The following SRGAP1 variants were observed in gnomAD, a reference collection of about 807,000 sequenced individuals.
SRGAP1 encodes SLIT-ROBO Rho GTPase activating protein 1, also known as SLIT-ROBO Rho GTPase-activating protein 1.
Under a neutral mutation model 121.9 loss-of-function variants are expected in SRGAP1, and 43 were observed. The observed-to-expected ratio is 0.35, with a 90% confidence interval of 0.28 to 0.46. The LOEUF (loss-of-function observed/expected upper bound fraction) is 0.46, where lower values mean the gene tolerates loss of function less well. Among genes scored for constraint, SRGAP1 ranks in the 20% least tolerant of loss-of-function variants. The pLI is 1.00. For missense variants in SRGAP1, 1,102 were observed against 1,350.9 expected (o/e 0.82, Z 2.89); for synonymous variants, 447 against 485.4 (o/e 0.92, Z 1.04).
intron 3 of SRGAP1, 52 bp from the exon 4 acceptor site, chr12:64,016,897 CT>C (rs1213126647): frequency 2.3e-5 from 23 of 1,017,878 alleles, no homozygotes; most frequent in Non-Finnish European, 3.2e-5. Flanking sequence ...AGTTAGTGGA[CT>C]TTTTAAGATG....
chr12:63,949,498 G>A (rs949527805), intron 1 of SRGAP1, among the ~76,000 whole-genome samples: 23 of 150,414 alleles, frequency 1.5e-4, no homozygotes, highest in African/African-American at 5.4e-4. Context: ...CGTGATGTTG[G>A]CTCACTGCAA....
At chr12:63,974,798 G>A (rs528351299) in intron 1 of SRGAP1, among the ~76,000 whole-genome samples, 2 of 152,236 alleles carry the variant, frequency 1.3e-5, no homozygotes, top group South Asian at 4.2e-4. Context: ...ATTTGGTTCA[G>A]CCACCCTAAA....
chr12:63,860,870 G>T (rs1350131960), intron 1 of SRGAP1, among the ~76,000 whole-genome samples: 1 of 150,150 alleles, frequency 6.7e-6, no homozygotes, highest in Non-Finnish European at 1.5e-5. Flanking sequence ...TTGTTGCCCA[G>T]ACTGGAGTGC....
intron 1 of SRGAP1, among the ~76,000 whole-genome samples, chr12:63,954,688 A>AAAAAAAAAAAAAAAAAAAAAAG (rs57230527): frequency 7.1e-4 from 93 of 130,166 alleles, no homozygotes; most frequent in Non-Finnish European, 9.7e-4. Context: ...AAAAAAAAAA[A>AAAAAAAAAAAAAAAAAAAAAAG]AAAAGAAAAG....
chr12:63,857,149 G>A (rs1326486551), intron 1 of SRGAP1, among the ~76,000 whole-genome samples: 2 of 150,716 alleles, frequency 1.3e-5, no homozygotes, highest in East Asian at 1.9e-4. Flanking sequence ...GCGTGATCTC[G>A]GCCCACTGCA....
intron 6 of SRGAP1, 53 bp from the exon 7 acceptor site, chr12:64,062,864 C>G (rs906042343): frequency 4.8e-5 from 70 of 1,443,866 alleles, no homozygotes; most frequent in Non-Finnish European, 6.2e-5. Context: ...ACATTTTTGT[C>G]TTTGATCAAT....
intron 1 of SRGAP1, among the ~76,000 whole-genome samples, chr12:63,973,689 C>T (rs2033019557): frequency 6.6e-6 from 1 of 152,114 alleles, no homozygotes; most frequent in Admixed American, 6.5e-5. Flanking sequence ...TTGAAAAAGG[C>T]TCAATTTGCA....
In SRGAP1 at chr12:63,867,993, A is replaced by G. The variant is rs1480601139; in HGVS notation, c.67+23110A>G. On this transcript the variant is annotated intron_variant, in intron 1 of 21. Transcript: ENST00000355086. ...GAGACATTTTGTTACAATTTCTTAC[A>G]TCATCATTAAGAGAATCTCAAGGGC... Among the ~76,000 whole-genome samples the G allele has an allele frequency of 5.0e-5, 7 of 140,782 alleles. No homozygotes were observed. The East Asian group carries it at 1.2e-3, about 25-fold the overall frequency. The allele number at this position is 140,782 out of a possible 152,430, so 92.4% of individuals were successfully genotyped here.
At chr12:63,933,444 G>A (rs1379534951) in intron 1 of SRGAP1, among the ~76,000 whole-genome samples, 1 of 152,008 alleles carries the variant, frequency 6.6e-6, no homozygotes, top group African/African-American at 2.4e-5. Context: ...AGTAAATTGT[G>A]GGCATGGGGA....
At chr12:64,069,146 A>T (rs1036609614) in intron 8 of SRGAP1, among the ~76,000 whole-genome samples, 1 of 152,124 alleles carries the variant, frequency 6.6e-6, no homozygotes, top group East Asian at 1.9e-4. Context: ...CTTCCCTTAG[A>T]CACAGAATGT....
At chr12:64,009,533 A>G (rs1220858713) in intron 3 of SRGAP1, among the ~76,000 whole-genome samples, 1 of 152,138 alleles carries the variant, frequency 6.6e-6, no homozygotes, top group African/African-American at 2.4e-5. Flanking sequence ...GCACCTTTCA[A>G]ATTGTCTGCT....
At chr12:64,052,139 A>T (rs1476968078) in intron 6 of SRGAP1, among the ~76,000 whole-genome samples, 1 of 152,234 alleles carries the variant, frequency 6.6e-6, no homozygotes, top group African/African-American at 2.4e-5. Flanking sequence ...TGAATGTAGT[A>T]TACCAAACAA....
At chr12:63,972,119 C>G (rs772403517) in intron 1 of SRGAP1, among the ~76,000 whole-genome samples, 1 of 152,090 alleles carries the variant, frequency 6.6e-6, no homozygotes, top group Admixed American at 6.6e-5. Flanking sequence ...TTTGGGAGGC[C>G]GAGGTGGGAG....
chr12:64,120,640 C>T (rs2036592217), intron 18 of SRGAP1, among the ~76,000 whole-genome samples: 1 of 151,980 alleles, frequency 6.6e-6, no homozygotes, highest in Non-Finnish European at 1.5e-5. Flanking sequence ...GTGAAGTTCA[C>T]TCTGAAACTG....
chr12:63,913,191 CTTCTTTTTT>C (rs2030593075), intron 1 of SRGAP1, among the ~76,000 whole-genome samples: 24 of 111,814 alleles, frequency 2.1e-4, no homozygotes, highest in Admixed American at 4.3e-4. Flanking sequence ...CTGGTAAATC[CTTCTTTTTT>C]TTTTTTTTTT....
rs2037100450 is a variant in SRGAP1 at position 64,150,005 on chromosome 12, T to C, written c.*7333T>C. On this transcript the variant is annotated 3_prime_UTR_variant, in exon 22 of 22. Transcript: ENST00000355086. Reference sequence around the variant, plus strand: ...ACGGTGAGGTTCATCACCTCTTCAGTAGCCTTTTATCTGTTTCTACATAGT... The same window carrying C: ...ACGGTGAGGTTCATCACCTCTTCAGCAGCCTTTTATCTGTTTCTACATAGT... 1 of 152,246 alleles carries C rather than the reference T, an allele frequency of 6.6e-6. No homozygotes were observed. Among genetic ancestry groups the C allele is most frequent in the South Asian group, 2.1e-4 (1 of 4,828 alleles). 9.4% of individuals were successfully genotyped at this position (152,246 alleles called of 1,614,324 possible).
chr12:63,956,238 C>G (rs553917676), intron 1 of SRGAP1, among the ~76,000 whole-genome samples: 1 of 152,182 alleles, frequency 6.6e-6, no homozygotes, highest in East Asian at 1.9e-4. Context: ...TCAGCCTGGT[C>G]TGAAACTTCT....
chr12:63,944,157 A>G (rs887869929), intron 1 of SRGAP1, among the ~76,000 whole-genome samples: 1 of 152,150 alleles, frequency 6.6e-6, no homozygotes, highest in Non-Finnish European at 1.5e-5. Context: ...TGTCATCCTC[A>G]TTTTATAATT....
At chr12:63,872,505 A>G (rs1413691287) in intron 1 of SRGAP1, among the ~76,000 whole-genome samples, 1 of 152,234 alleles carries the variant, frequency 6.6e-6, no homozygotes, top group Non-Finnish European at 1.5e-5. Flanking sequence ...CCAAGTAGAC[A>G]TAGACATGTG....
Sources: allele counts gnomAD v4.1 joint callset (sites outside exome capture counted in the v4.1 genomes callset), GRCh38; gene constraint gnomAD v4.1.1; transcripts MANE v1.5; gene names NCBI Gene and HGNC (gene_info 2026-07-23, HGNC 2026-07-21).